FNIP1: variants seen among roughly 807,000 people sequenced by gnomAD.
FNIP1 encodes folliculin-interacting protein 1.
A neutral mutation model predicts 124.5 loss-of-function variants in FNIP1; 40 were observed. The ratio of observed to expected loss-of-function variants is 0.32; its 90% CI spans 0.25 to 0.42. The LOEUF is 0.42. FNIP1 is among the 10% of genes least tolerant of loss of function. FNIP1 has a pLI of 1.00. For missense variants in FNIP1, 1,176 were observed against 1,403.7 expected (o/e 0.84, Z 2.59); for synonymous variants, 472 against 470.6 (o/e 1.00, Z -0.04).
At chr5:131,658,906 C>CAA (rs1207131197) in intron 15 of FNIP1, among the ~76,000 whole-genome samples, 1 of 7,292 alleles carries the variant, frequency 1.4e-4, no homozygotes, top group Non-Finnish European at 2.9e-4. Flanking sequence ...CTGGGTCTAG[C>CAA]CAAAAAAAAA....
rs772909372 is a variant in FNIP1, at chr5:131,670,484, T to G, written c.3087A>C (p.Ser1029=). Residue 1029 remains serine, a synonymous_variant, in exon 15 of 18, where the codon TCA becomes TCC. Coordinates refer to ENST00000510461, the MANE Select transcript of FNIP1 (RefSeq NM_133372.3). ...SDERFRQCLM[S]DLSHAVQHPV... is the part of the protein sequence containing the mutation. ...TCACCTGCACAGCATGAGATAAATCTGACATCAGACACTGACGGAACCTCT... is the reference window on the plus strand; with the variant it reads ...TCACCTGCACAGCATGAGATAAATCGGACATCAGACACTGACGGAACCTCT... 1 of 1,610,868 alleles carries G rather than the reference T, an allele frequency of 6.2e-7. No homozygotes were observed. Among genetic ancestry groups the G allele is most frequent in the South Asian group, 1.1e-5 (1 of 90,428 alleles).
chr5:131,678,022 T>A, intron 12 of FNIP1, 150 bp from the exon 13 acceptor site: 1 of 616,476 alleles, frequency 1.6e-6, no homozygotes, highest in Non-Finnish European at 2.6e-6. Flanking sequence ...GATGAGTATA[T>A]AACACCAAGA....
At chr5:131,723,145 T>A (rs1171508535) in intron 3 of FNIP1, among the ~76,000 whole-genome samples, 1 of 152,082 alleles carries the variant, frequency 6.6e-6, no homozygotes, top group Non-Finnish European at 1.5e-5. Flanking sequence ...GAGCAGAAAA[T>A]TTTTTTAATG....
At chr5:131,660,605 T>G (rs552051241) in intron 15 of FNIP1, among the ~76,000 whole-genome samples, 3 of 152,272 alleles carry the variant, frequency 2.0e-5, no homozygotes, top group Non-Finnish European at 4.4e-5. Context: ...ATCCCTAACC[T>G]ACAAGCTTTG....
chr5:131,738,223 G>A (rs1048493990), intron 2 of FNIP1, among the ~76,000 whole-genome samples: 4 of 152,154 alleles, frequency 2.6e-5, no homozygotes, highest in African/African-American at 9.6e-5. Flanking sequence ...TCTTATAAAC[G>A]TATGATTTTA....
chr5:131,731,510 T>C (rs1413992406), intron 2 of FNIP1, among the ~76,000 whole-genome samples: 1 of 151,974 alleles, frequency 6.6e-6, no homozygotes. Flanking sequence ...AAAAATTAGC[T>C]GGGCATGGTG....
intron 15 of FNIP1, among the ~76,000 whole-genome samples, chr5:131,657,816 G>A (rs1001300193): frequency 6.6e-6 from 1 of 150,548 alleles, no homozygotes; most frequent in Non-Finnish European, 1.5e-5. Flanking sequence ...CGAGGCAGGC[G>A]GATCACAAGG....
Position 131,650,541 on chromosome 5 carries a change from C to A in FNIP1, c.3306+1261G>T, listed in dbSNP as rs552391912. ...GTGGGATCTTTATGTTTTCTATGTA[C>A]GAGAAGATCATGTCATCTGCAAACA... On this transcript the variant is annotated intron_variant, in intron 16 of 17. Coordinates refer to ENST00000510461, the MANE Select transcript of FNIP1 (RefSeq NM_133372.3). 3.3e-5 allele frequency among the ~76,000 whole-genome samples: 5 copies of A among 152,222 alleles called. No individual in the cohort carries two copies. In the South Asian group the frequency reaches 6.2e-4, roughly 19 times the overall value.
At chr5:131,678,020 T>G in intron 12 of FNIP1, 148 bp from the exon 13 acceptor site, 3 of 619,646 alleles carry the variant, frequency 4.8e-6, no homozygotes, top group Non-Finnish European at 5.3e-6. Context: ...AGGATGAGTA[T>G]ATAACACCAA....
chr5:131,722,224 G>A (rs1160760253), intron 3 of FNIP1, among the ~76,000 whole-genome samples: 1 of 152,124 alleles, frequency 6.6e-6, no homozygotes, highest in East Asian at 1.9e-4. Context: ...AATGCAACAA[G>A]TACACACTAA....
chr5:131,685,040 G>A (rs899333459), intron 11 of FNIP1, among the ~76,000 whole-genome samples: 1 of 152,154 alleles, frequency 6.6e-6, no homozygotes, highest in Non-Finnish European at 1.5e-5. Flanking sequence ...AAAATAAAAT[G>A]TCTGGATTTC....
chr5:131,777,342 G>C (rs1006609846), intron 1 of FNIP1, among the ~76,000 whole-genome samples: 2 of 151,798 alleles, frequency 1.3e-5, no homozygotes, highest in African/African-American at 2.4e-5. Flanking sequence ...CAGTGACAAT[G>C]AAGATCTCTA....
At chr5:131,765,538 CATGCTTTCCTTA>C (rs1381717049) in intron 1 of FNIP1, among the ~76,000 whole-genome samples, 3 of 152,188 alleles carry the variant, frequency 2.0e-5, no homozygotes, top group Non-Finnish European at 4.4e-5. Flanking sequence ...CAAATGTAAG[CATGCTTTCCTTA>C]AAAAGAAATC....
At chr5:131,715,178 T>C (rs1769426613) in intron 6 of FNIP1, among the ~76,000 whole-genome samples, 1 of 152,192 alleles carries the variant, frequency 6.6e-6, no homozygotes, top group African/African-American at 2.4e-5. Context: ...ATAATGGATT[T>C]GTGTTGTTAA....
rs547714115 is a variant in FNIP1 at position 131,758,276 on chromosome 5, G to A, written c.93-13586C>T. Among the ~76,000 whole-genome samples the A allele has an allele frequency of 3.3e-5, 5 of 152,306 alleles. No homozygotes were observed. In the East Asian group the frequency reaches 9.6e-4, roughly 29 times the overall value. On this transcript the variant is annotated intron_variant, in intron 1 of 17. Coordinates refer to ENST00000510461, the MANE Select transcript of FNIP1 (RefSeq NM_133372.3). ...CAAAACTGACCTACCTAAAGTTGCT[G>A]TTCTGGATACAGCTGGCTGGTGCCT...
At position 131,672,278 on chromosome 5, in the gene FNIP1, C is replaced by T; in HGVS notation, c.2166G>A (p.Met722Ile). ...TTTCCACAACCATTCCTGTGGATCT[C>T]ATTGCTTTGCCTGTGTGACTGTCTG... ...LDSDSHTGKA[M>I]RSTGMVVEKK... Residue 722 changes from methionine (M) to isoleucine (I), a missense_variant, in exon 14 of 18, where the codon ATG (methionine) becomes ATA (isoleucine). By Grantham distance (10) the Met-to-Ile change is conservative (BLOSUM62 1). Around this residue, in one of 2 missense-constraint regions of FNIP1, gnomAD observed 1,109 missense variants for 1,288.5 expected, o/e 0.86. Coordinates refer to ENST00000510461, the MANE Select transcript of FNIP1 (RefSeq NM_133372.3). 1 of 1,614,188 alleles carries T rather than the reference C, an allele frequency of 6.2e-7. No individual in the cohort carries two copies. The highest frequency in any genetic ancestry group is 8.5e-7 in the Non-Finnish European group (1 of 1,180,020).
At chr5:131,701,766 G>A (rs985715878) in intron 10 of FNIP1, among the ~76,000 whole-genome samples, 12 of 152,134 alleles carry the variant, frequency 7.9e-5, no homozygotes, top group African/African-American at 2.4e-4. Context: ...CCAAGTGCTC[G>A]TTTCAGCAGC....
rs1210918116 is a variant in FNIP1, at chr5:131,644,777, G to A, written c.3423-14C>T. ...CTGGATTCAATCCTGAAATAAAGGG[G>A]AAAAAAATGTCAGTTTTGATTTTCT... On this transcript the variant is annotated splice_polypyrimidine_tract_variant and intron_variant, in intron 17 of 17. Transcript: ENST00000510461. 8.7e-6 allele frequency: 14 copies of A among 1,612,148 alleles called. No homozygotes were observed. Among genetic ancestry groups the A allele is most frequent in the African/African-American group, 1.3e-5 (1 of 74,784 alleles).
chr5:131,697,313 C>CG (rs1561660496), intron 11 of FNIP1, among the ~76,000 whole-genome samples: 1 of 152,048 alleles, frequency 6.6e-6, no homozygotes, highest in African/African-American at 2.4e-5. Context: ...ATTTTTGTGA[C>CG]GGGGTCTCAC....
Sources: allele counts gnomAD v4.1 joint callset (sites outside exome capture counted in the v4.1 genomes callset), GRCh38; gene constraint gnomAD v4.1.1; regional missense constraint gnomAD v4.1.1; transcripts MANE v1.5; gene names NCBI Gene and HGNC (gene_info 2026-07-23, HGNC 2026-07-21).